The following MYO3B variants were observed in gnomAD, a reference collection of about 807,000 sequenced individuals.
MYO3B encodes myosin IIIB.
Under a neutral mutation model 174.6 loss-of-function variants are expected in MYO3B, and 156 were observed. That is an observed-to-expected ratio of 0.89 (90% CI 0.78 to 1.02). MYO3B has a LOEUF of 1.02. MYO3B is among the 50% of genes least tolerant of loss of function. The pLI is 0.00. For synonymous variants in MYO3B, 563 were observed against 569.1 expected (o/e 0.99, Z 0.15); for missense variants, 1,632 against 1,639.4 (o/e 1.00, Z 0.08).
intron 3 of MYO3B, among the ~76,000 whole-genome samples, chr2:170,214,177 C>G (rs1265438809): frequency 6.6e-6 from 1 of 151,914 alleles, no homozygotes. Context: ...TAAATCATCA[C>G]CTCAAATAAA....
intron 7 of MYO3B, among the ~76,000 whole-genome samples, chr2:170,320,051 G>A (rs2093812996): frequency 6.6e-6 from 1 of 152,184 alleles, no homozygotes; most frequent in South Asian, 2.1e-4. Context: ...GAATAGAAAT[G>A]GTAACTGAAG....
At chr2:170,583,654 G>A (rs1326667555) in intron 32 of MYO3B, among the ~76,000 whole-genome samples, 1 of 152,116 alleles carries the variant, frequency 6.6e-6, no homozygotes, top group African/African-American at 2.4e-5. Context: ...GCATGGAACT[G>A]GGTTAAGTGT....
intron 6 of MYO3B, among the ~76,000 whole-genome samples, chr2:170,224,394 G>A (rs1341790442): frequency 6.6e-6 from 1 of 152,188 alleles, no homozygotes; most frequent in Non-Finnish European, 1.5e-5. Flanking sequence ...CCAAGGCAGG[G>A]AAAGGATACT....
At chr2:170,406,606 T>A (rs2094510598) in intron 21 of MYO3B, among the ~76,000 whole-genome samples, 1 of 152,198 alleles carries the variant, frequency 6.6e-6, no homozygotes, top group Non-Finnish European at 1.5e-5. Context: ...TCCCCATTCC[T>A]CTTTTCTGCC....
intron 32 of MYO3B, among the ~76,000 whole-genome samples, chr2:170,646,219 C>T (rs531282973): frequency 3.3e-5 from 5 of 149,926 alleles, no homozygotes; most frequent in East Asian, 2.0e-4. Context: ...TGCGGTGAGC[C>T]GAGATCACGC....
chr2:170,279,114 T>C (rs1202632553), intron 7 of MYO3B, among the ~76,000 whole-genome samples: 1 of 152,128 alleles, frequency 6.6e-6, no homozygotes, highest in Non-Finnish European at 1.5e-5. Context: ...ATCCCTTTTA[T>C]ATATTGATTC....
In MYO3B at chr2:170,236,042, G is replaced by A. The variant is rs757553236; in HGVS notation, c.655G>A (p.Val219Ile). ...CTCTTCCTATGACGCTCGCTGTGAC[G>A]TCTGGTCCTTGGGGATCACAGCTAT... ...YDSSYDARCD[V>I]WSLGITAIEL... Residue 219 changes from valine (V) to isoleucine (I), a missense_variant, in exon 7 of 35, where the codon GTC becomes ATC. By Grantham distance (29) the Val-to-Ile change is conservative. Coordinates refer to ENST00000408978, the MANE Select transcript of MYO3B (RefSeq NM_138995.5). The A allele has an allele frequency of 2.3e-5, 37 of 1,613,866 alleles. No homozygotes were observed. The highest frequency in any genetic ancestry group is 2.7e-5 in the Non-Finnish European group (32 of 1,180,018).
intron 7 of MYO3B, among the ~76,000 whole-genome samples, chr2:170,303,128 A>T (rs1036858460): frequency 6.6e-6 from 1 of 152,198 alleles, no homozygotes. Context: ...TTTATAGTTT[A>T]CTACTGTTGT....
At chr2:170,242,857 A>G (rs572317899) in intron 7 of MYO3B, among the ~76,000 whole-genome samples, 1 of 152,358 alleles carries the variant, frequency 6.6e-6, no homozygotes, top group East Asian at 1.9e-4. Context: ...AGAGCTCAAA[A>G]TTGTGCTAGA....
intron 32 of MYO3B, among the ~76,000 whole-genome samples, chr2:170,619,734 A>ATACTTTTTTT (rs1553539463): frequency 7.2e-4 from 24 of 33,518 alleles, no homozygotes; most frequent in Non-Finnish European, 1.7e-3. Flanking sequence ...CTGCTGCCAT[A>ATACTTTTTTT]TTCTTTTTTT....
chr2:170,643,068 C>G (rs560653332), intron 32 of MYO3B, among the ~76,000 whole-genome samples: 7 of 151,834 alleles, frequency 4.6e-5, no homozygotes, highest in Non-Finnish European at 7.4e-5. Flanking sequence ...GGCTTTGACC[C>G]GGGCATTAGT....
At chr2:170,302,341 A>C (rs1310796972) in intron 7 of MYO3B, among the ~76,000 whole-genome samples, 1 of 152,220 alleles carries the variant, frequency 6.6e-6, no homozygotes, top group Admixed American at 6.5e-5. Context: ...TTCTAAATAG[A>C]AAAAACCCCA....
intron 7 of MYO3B, among the ~76,000 whole-genome samples, chr2:170,330,292 G>A (rs529259384): frequency 1.2e-3 from 178 of 152,174 alleles, no homozygotes; most frequent in African/African-American, 3.5e-3. Context: ...TTGCTAACTG[G>A]TTTTCTGTCA....
At chr2:170,413,346 G>A (rs1305111195) in intron 22 of MYO3B, among the ~76,000 whole-genome samples, 5 of 152,178 alleles carry the variant, frequency 3.3e-5, no homozygotes, top group Non-Finnish European at 2.9e-5. Flanking sequence ...GGGAGTGGAA[G>A]TTAGATGATT....
At chr2:170,530,352 C>G (rs1419827160) in intron 30 of MYO3B, among the ~76,000 whole-genome samples, 1 of 152,250 alleles carries the variant, frequency 6.6e-6, no homozygotes, top group African/African-American at 2.4e-5. Flanking sequence ...CTTCCTCGCT[C>G]TGATCCAGAC....
chr2:170,339,385 C>T (rs1047883920), intron 8 of MYO3B, among the ~76,000 whole-genome samples: 5 of 152,188 alleles, frequency 3.3e-5, no homozygotes, highest in Admixed American at 2.6e-4. Flanking sequence ...GTAACAGAGT[C>T]GATTCAATAC....
At chr2:170,234,188 CAAAACAAAACAAA>C (rs1485467679) in intron 6 of MYO3B, among the ~76,000 whole-genome samples, 369 of 19,254 alleles carry the variant, frequency 0.019, 10 homozygotes, top group African/African-American at 0.09. Context: ...AAAAAAAAAA[CAAAACAAAACAAA>C]AAAAAAACAC....
At chr2:170,637,165 T>G (rs1697569851) in intron 32 of MYO3B, among the ~76,000 whole-genome samples, 1 of 124,368 alleles carries the variant, frequency 8.0e-6, no homozygotes, top group Admixed American at 1.1e-4. Context: ...TCACTCAGAG[T>G]GTAGGGTTTT....
At chr2:170,195,857 A>T (rs1244203177) in intron 1 of MYO3B, among the ~76,000 whole-genome samples, 3 of 152,114 alleles carry the variant, frequency 2.0e-5, no homozygotes, top group Admixed American at 2.0e-4. Context: ...GGGTCAGGGA[A>T]CTCTGCCATT....
Sources: allele counts gnomAD v4.1 joint callset (sites outside exome capture counted in the v4.1 genomes callset), GRCh38; gene constraint gnomAD v4.1.1; transcripts MANE v1.5; gene names NCBI Gene and HGNC (gene_info 2026-07-23, HGNC 2026-07-21).